The following EYS variants were observed in gnomAD, a reference collection of about 807,000 sequenced individuals.
The protein encoded by EYS is protein eyes shut homolog.
In EYS, 250 loss-of-function variants were observed where a neutral mutation model predicts 282.1. That is an observed-to-expected ratio of 0.89 (90% CI 0.80 to 0.98). The LOEUF (loss-of-function observed/expected upper bound fraction) is 0.98, where lower values mean the gene tolerates loss of function less well. EYS is among the 50% of genes least tolerant of loss of function. The probability of loss-of-function intolerance (pLI) is 0.00; values close to 1 mark genes in which losing one functional copy is unlikely to be tolerated. For synonymous variants in EYS, 1,355 were observed against 1,282.9 expected (o/e 1.06, Z -1.20); for missense variants, 4,016 against 3,709.0 (o/e 1.08, Z -2.15).
chr6:64,472,412 G>GA (rs1461824773), intron 26 of EYS, among the ~76,000 whole-genome samples: 9 of 152,234 alleles, frequency 5.9e-5, no homozygotes, highest in Middle Eastern at 6.8e-3. Flanking sequence ...CAGATCAGAA[G>GA]AAAAACACAC....
At chr6:64,588,898 T>C (rs17290091) in intron 26 of EYS, among the ~76,000 whole-genome samples, 14,948 of 151,928 alleles carry the variant, frequency 0.098, 912 homozygotes, top group East Asian at 0.17. Context: ...AAATAAAGAA[T>C]AGTTGCAATG....
At chr6:64,373,841 G>T (rs1370167342) in intron 29 of EYS, among the ~76,000 whole-genome samples, 1 of 152,072 alleles carries the variant, frequency 6.6e-6, no homozygotes, top group Non-Finnish European at 1.5e-5. Context: ...GAGGTGGGTG[G>T]GTCATGCACC....
At chr6:65,224,666 C>T (rs1227532351) in intron 12 of EYS, among the ~76,000 whole-genome samples, 1 of 151,930 alleles carries the variant, frequency 6.6e-6, no homozygotes, top group South Asian at 2.1e-4. Flanking sequence ...CTAAAAAAAA[C>T]AGCAGGAGAG....
In EYS at chr6:65,187,598, A is replaced by G. The variant is rs997279062; in HGVS notation, c.2023+108265T>C. On this transcript the variant is annotated intron_variant, in intron 12 of 42. Transcript: ENST00000503581. ...ATTCTGTTATTATTTTGTGTTTGCT[A>G]TGTATTTTATATAGTGTTGTCAGTT... Among the ~76,000 whole-genome samples the G allele has an allele frequency of 4.0e-5, 6 of 151,780 alleles. No homozygotes were observed. In the South Asian group the frequency reaches 8.3e-4, roughly 21 times the overall value.
At chr6:64,876,164 A>T (rs898754443) in intron 19 of EYS, among the ~76,000 whole-genome samples, 2 of 152,078 alleles carry the variant, frequency 1.3e-5, no homozygotes, top group East Asian at 1.9e-4. Flanking sequence ...ATCTGAATTT[A>T]AAATTAATGT....
At chr6:63,802,066 A>G (rs746483492) in intron 37 of EYS, among the ~76,000 whole-genome samples, 1 of 152,216 alleles carries the variant, frequency 6.6e-6, no homozygotes, top group Non-Finnish European at 1.5e-5. Flanking sequence ...AATAACATTG[A>G]CTTGGGTCAT....
At chr6:64,653,462 T>G (rs6454950) in intron 22 of EYS, among the ~76,000 whole-genome samples, 144,819 of 152,172 alleles carry the variant, frequency 0.95, 69,310 homozygotes, top group East Asian at 1. Flanking sequence ...GGGTTAATAC[T>G]CAATTTTTAA....
At chr6:64,886,596 G>A in intron 19 of EYS, 101 bp downstream of exon 19, 2 of 927,248 alleles carry the variant, frequency 2.2e-6, no homozygotes, top group Non-Finnish European at 3.0e-6. Context: ...TGCCCTGTTT[G>A]CATCTGGCAG....
chr6:64,986,151 T>G (rs1189196908), intron 14 of EYS, among the ~76,000 whole-genome samples: 1 of 151,524 alleles, frequency 6.6e-6, no homozygotes, highest in Non-Finnish European at 1.5e-5. Context: ...AATTGAGGTA[T>G]ACCTTAATTT....
At chr6:65,315,172 A>G (rs1376296260) in intron 11 of EYS, among the ~76,000 whole-genome samples, 5 of 152,152 alleles carry the variant, frequency 3.3e-5, no homozygotes, top group African/African-American at 4.8e-5. Flanking sequence ...GGTCCAGTGT[A>G]ATAGACTGTT....
intron 41 of EYS, among the ~76,000 whole-genome samples, chr6:63,752,030 A>C (rs553004208): frequency 6.6e-6 from 1 of 152,330 alleles, no homozygotes; most frequent in African/African-American, 2.4e-5. Flanking sequence ...GTGGTGTTCT[A>C]TTCCATGTTT....
intron 35 of EYS, among the ~76,000 whole-genome samples, chr6:63,946,572 A>T (rs1366698999): frequency 6.6e-6 from 1 of 152,078 alleles, no homozygotes; most frequent in East Asian, 1.9e-4. Flanking sequence ...TTTGCTTTTA[A>T]GTTGACAGAT....
At chr6:64,053,756 A>T (rs922059768) in intron 33 of EYS, among the ~76,000 whole-genome samples, 10 of 152,204 alleles carry the variant, frequency 6.6e-5, no homozygotes, top group African/African-American at 2.4e-4. Context: ...GAAAAAACTT[A>T]GAATGAACAG....
rs565534768 is a variant in EYS at position 65,087,816 on chromosome 6, T to C, written c.2024-30089A>G. Among the ~76,000 whole-genome samples, 34 of 152,304 alleles carry C rather than the reference T, an allele frequency of 2.2e-4. No individual in the cohort carries two copies. In the South Asian group the frequency reaches 2.9e-3, roughly 13 times the overall value. On this transcript the variant is annotated intron_variant, in intron 12 of 42. Coordinates refer to ENST00000503581, the MANE Select transcript of EYS (RefSeq NM_001142800.2). The stretch of plus-strand genomic sequence containing the variant: ...ATTCCATGCACATGTCTAAGCTCAA[T>C]GATATGGTTTGACTCTGTGTCCCCA...
intron 26 of EYS, among the ~76,000 whole-genome samples, chr6:64,516,135 G>T (rs1215407199): frequency 6.6e-6 from 1 of 151,706 alleles, no homozygotes; most frequent in Non-Finnish European, 1.5e-5. Context: ...ACACATAGAG[G>T]GGGAACAACA....
In EYS at chr6:65,494,816, T is replaced by TA; in HGVS notation, c.594dup (p.Ser199Ter). 1 of 1,614,130 alleles carries TA rather than the reference T, an allele frequency of 6.2e-7. No homozygotes were observed. The highest frequency in any genetic ancestry group is 1.1e-5 in the South Asian group (1 of 91,086). ...GAAAATGGAGGCTGGCAATGGCAGC[T>TA]ATATGTCTTGCTCCAAGCTTCACTA... On this transcript the variant is annotated frameshift_variant, in exon 4 of 43. Coordinates refer to ENST00000503581, the MANE Select transcript of EYS (RefSeq NM_001142800.2). LOFTEE classifies it high-confidence loss of function.
chr6:64,832,543 A>T (rs772493875), intron 19 of EYS, among the ~76,000 whole-genome samples: 1 of 151,824 alleles, frequency 6.6e-6, no homozygotes, highest in Non-Finnish European at 1.5e-5. Context: ...TATAGTTACC[A>T]ATATAGTATT....
Position 64,071,993 on chromosome 6 carries a change from G to T in EYS, c.6572-5502C>A, listed in dbSNP as rs1212092428. Among the ~76,000 whole-genome samples, 5 of 151,664 alleles carry T rather than the reference G, an allele frequency of 3.3e-5. No individual in the cohort carries two copies. In the South Asian group the frequency reaches 1.0e-3, roughly 32 times the overall value. On this transcript the variant is annotated intron_variant, in intron 32 of 42. Coordinates refer to ENST00000503581, the MANE Select transcript of EYS (RefSeq NM_001142800.2). ...TTGAAGAAACATATAGAGCCGGGGG[G>T]ACATAAAAAATCCAAGGCACAGAAG...
At chr6:64,372,592 T>C (rs1452363810) in intron 29 of EYS, among the ~76,000 whole-genome samples, 1 of 152,190 alleles carries the variant, frequency 6.6e-6, no homozygotes, top group Non-Finnish European at 1.5e-5. Flanking sequence ...TTGACCTCTC[T>C]AGTAAGGTTG....
Sources: allele counts gnomAD v4.1 joint callset (sites outside exome capture counted in the v4.1 genomes callset), GRCh38; gene constraint gnomAD v4.1.1; transcripts MANE v1.5; gene names NCBI Gene and HGNC (gene_info 2026-07-23, HGNC 2026-07-21).